TRAF3: variants seen among roughly 807,000 people sequenced by gnomAD.
TRAF3 encodes TNF receptor-associated factor 3.
In TRAF3, 13 loss-of-function variants were observed where a neutral mutation model predicts 62.3. That is an observed-to-expected ratio of 0.21 (90% CI 0.14 to 0.33). The LOEUF (loss-of-function observed/expected upper bound fraction) is 0.33, where lower values mean the gene tolerates loss of function less well. Ranked by LOEUF, TRAF3 falls within the 10% of genes least tolerant of loss-of-function variation. TRAF3 has a pLI of 1.00. For missense variants in TRAF3, 440 were observed against 741.8 expected, an observed-to-expected ratio of 0.59 and a Z score of 4.73; for synonymous variants, 269 against 283.4, an observed-to-expected ratio of 0.95 and a Z score of 0.51.
intron 2 of TRAF3, among the ~76,000 whole-genome samples, chr14:102,858,467 C>G (rs1282525347): frequency 6.6e-6 from 1 of 152,064 alleles, no homozygotes; most frequent in African/African-American, 2.4e-5. Flanking sequence ...AACCTCTATT[C>G]TAATGTCACA....
chr14:102,887,337 C>A (rs887758891), intron 7 of TRAF3, among the ~76,000 whole-genome samples: 1 of 152,182 alleles, frequency 6.6e-6, no homozygotes, highest in Admixed American at 6.5e-5. Flanking sequence ...CCTCGCATGC[C>A]CCTGACTGAG....
chr14:102,882,817 G>A (rs1889146758), intron 6 of TRAF3, among the ~76,000 whole-genome samples: 1 of 152,184 alleles, frequency 6.6e-6, no homozygotes, highest in Admixed American at 6.5e-5. Context: ...CTGTGGTGTA[G>A]ACAGTATGCC....
intron 2 of TRAF3, among the ~76,000 whole-genome samples, chr14:102,845,308 T>A (rs1185922584): frequency 6.6e-6 from 1 of 151,422 alleles, no homozygotes; most frequent in African/African-American, 2.4e-5. Context: ...GTTCAAGTGG[T>A]TCTCCTGCCT....
At chr14:102,807,707 C>CT (rs1244682719) in intron 1 of TRAF3, among the ~76,000 whole-genome samples, 4 of 152,158 alleles carry the variant, frequency 2.6e-5, no homozygotes, top group African/African-American at 9.7e-5. Flanking sequence ...ATTAAAAGAA[C>CT]TAAGCCATTA....
At position 102,886,246 on chromosome 14, in the gene TRAF3, G is replaced by T. The variant is rs145947234; in HGVS notation, c.628G>T (p.Val210Phe). Residue 210 changes from valine to phenylalanine, a missense_variant, in exon 7 of 12, where the codon GTC becomes TTC. Val to Phe is a conservative substitution (Grantham distance 50, BLOSUM62 -1). This residue lies in a region of TRAF3 where 255 missense variants were observed against 424.1 expected (regional missense o/e 0.60). Transcript: ENST00000392745. ...GGTGTCCTGCCCTCACAAGTGCAGC[G>T]TCCAGACTCTCCTGAGGAGCGAGGT... The part of the protein sequence containing the change: ...VVVSCPHKCS[V>F]QTLLRSELSA... 1.2e-6 allele frequency: 2 copies of T among 1,612,170 alleles called. No homozygotes were observed. Among genetic ancestry groups the T allele is most frequent in the Non-Finnish European group, 1.7e-6 (2 of 1,179,622 alleles).
At chr14:102,869,077 ACCCGAG>A (rs1432176901) in intron 2 of TRAF3, among the ~76,000 whole-genome samples, 1 of 152,070 alleles carries the variant, frequency 6.6e-6, no homozygotes, top group East Asian at 1.9e-4. Context: ...ACCTACCTGA[ACCCGAG>A]CCCCCTCATG....
intron 7 of TRAF3, among the ~76,000 whole-genome samples, chr14:102,888,628 A>G (rs1889540210): frequency 1.3e-5 from 2 of 152,096 alleles, no homozygotes; most frequent in Admixed American, 1.3e-4. Flanking sequence ...GCACCCACAC[A>G]CCCATCCTCC....
At chr14:102,867,729 T>G (rs1308994735) in intron 2 of TRAF3, among the ~76,000 whole-genome samples, 1 of 152,202 alleles carries the variant, frequency 6.6e-6, no homozygotes, top group African/African-American at 2.4e-5. Flanking sequence ...CCCTTGCTAC[T>G]TAGCTTGGAA....
At chr14:102,782,384 C>T (rs1157029394) in intron 1 of TRAF3, among the ~76,000 whole-genome samples, 1 of 152,012 alleles carries the variant, frequency 6.6e-6, no homozygotes, top group Non-Finnish European at 1.5e-5. Context: ...CAGGTGCTTG[C>T]CCCCATTCCC....
At chr14:102,877,805 G>A (rs937554792) in intron 6 of TRAF3, among the ~76,000 whole-genome samples, 14 of 149,596 alleles carry the variant, frequency 9.4e-5, no homozygotes, top group Admixed American at 4.0e-4. Context: ...CAGGCCTTCC[G>A]CTCAGCTCAT....
rs556454050 is a variant in TRAF3 at position 102,795,411 on chromosome 14, A to G, written c.-157+17736A>G. ...GCTTGTACCTCTATGGAGAACCCCA[A>G]CAACCCTGGCTGGAAAGCCACCTAA... On this transcript the variant is annotated intron_variant, in intron 1 of 11. Transcript: ENST00000392745. Among the ~76,000 whole-genome samples the G allele has an allele frequency of 4.6e-4, 70 of 152,330 alleles. 1 individual carries two copies. The highest frequency in any genetic ancestry group is 8.2e-4 in the Non-Finnish European group (56 of 68,028).
chr14:102,898,391 A>G (rs942947351), intron 10 of TRAF3, among the ~76,000 whole-genome samples: 1 of 152,264 alleles, frequency 6.6e-6, no homozygotes, highest in South Asian at 2.1e-4. Context: ...TTAAAACACC[A>G]AGCCTCCCGC....
chr14:102,859,812 T>A (rs2139774347), intron 2 of TRAF3, among the ~76,000 whole-genome samples: 1 of 152,308 alleles, frequency 6.6e-6, no homozygotes, highest in Middle Eastern at 3.4e-3. Flanking sequence ...CTTTGCCAGT[T>A]TCTTAATTGG....
At chr14:102,804,410 G>A (rs1276777647) in intron 1 of TRAF3, among the ~76,000 whole-genome samples, 1 of 152,150 alleles carries the variant, frequency 6.6e-6, no homozygotes, top group South Asian at 2.1e-4. Context: ...CTGTGAGGCC[G>A]CCGTAGCAAC....
chr14:102,794,165 C>G (rs1326877174), intron 1 of TRAF3, among the ~76,000 whole-genome samples: 1 of 150,488 alleles, frequency 6.6e-6, no homozygotes, highest in Non-Finnish European at 1.5e-5. Context: ...CTGCCAGTCT[C>G]TCTCTCTCTT....
In TRAF3 at chr14:102,870,214, A is replaced by G. The variant is rs1335113299; in HGVS notation, c.13A>G (p.Lys5Glu). MESS[K>E]KMDSPGALQT... ...CCTCTTTCCTAAAATGGAGTCGAGT[A>G]AAAAGATGGACTCTCCTGGCGCGCT... is the stretch of plus-strand genomic sequence containing the variant. The change falls in exon 3 of 12, where the codon AAA becomes GAA. Residue 5 changes from lysine to glutamate, a missense_variant. This residue lies in a region of TRAF3 where 40 missense variants were observed against 38.3 expected (regional missense o/e 1.05). Coordinates refer to ENST00000392745, the MANE Select transcript of TRAF3 (RefSeq NM_145725.3). The G allele has an allele frequency of 6.2e-7, 1 of 1,614,042 alleles. No homozygotes were observed. The highest frequency in any genetic ancestry group is 8.5e-7 in the Non-Finnish European group (1 of 1,180,016).
chr14:102,825,006 G>A (rs1900213302), intron 1 of TRAF3, among the ~76,000 whole-genome samples: 1 of 152,364 alleles, frequency 6.6e-6, no homozygotes, highest in South Asian at 2.1e-4. Flanking sequence ...TCAACATCAT[G>A]TGGTTTGTAG....
intron 1 of TRAF3, among the ~76,000 whole-genome samples, chr14:102,790,963 G>A (rs550708128): frequency 3.2e-4 from 48 of 151,420 alleles, no homozygotes; most frequent in Non-Finnish European, 6.0e-4. Flanking sequence ...GCTTTGGGGG[G>A]TTGCAATCTT....
chr14:102,789,464 T>C (rs555115216), intron 1 of TRAF3, among the ~76,000 whole-genome samples: 1 of 103,042 alleles, frequency 9.7e-6, no homozygotes, highest in South Asian at 4.6e-4. Context: ...TTGCTAAATT[T>C]ATTTTTTTTG....
Sources: gnomAD v4.1 joint callset for allele counts (sites outside exome capture counted in the v4.1 genomes callset) on GRCh38, gnomAD v4.1.1 for gene constraint, gnomAD v4.1.1 regional missense constraint, MANE v1.5 for transcripts, NCBI Gene and HGNC (gene_info 2026-07-23, HGNC 2026-07-21) for gene names.